Variants in DOCK3 observed in about 807,000 individuals in gnomAD.
DOCK3 encodes the protein dedicator of cytokinesis 3.
DOCK3 carries 60 observed loss-of-function variants against 265.6 expected under a neutral mutation model. The ratio of observed to expected loss-of-function variants is 0.23; its 90% CI spans 0.18 to 0.28. The LOEUF (loss-of-function observed/expected upper bound fraction) is 0.28, where lower values mean the gene tolerates loss of function less well. Ranked by LOEUF, DOCK3 falls within the 10% of genes least tolerant of loss-of-function variation. The pLI is 1.00. For synonymous variants in DOCK3, 881 were observed against 938.0 expected (o/e 0.94, Z 1.11); for missense variants, 1,981 against 2,594.3 (o/e 0.76, Z 5.14).
chr3:50,922,663 C>A (rs1256388150), intron 4 of DOCK3, among the ~76,000 whole-genome samples: 2 of 152,094 alleles, frequency 1.3e-5, no homozygotes, highest in African/African-American at 2.4e-5. Context: ...TTTTGGCCAT[C>A]TTGGAACCTC....
chr3:51,266,463 A>G lies in DOCK3; in HGVS notation c.2356-4352A>G, dbSNP rs138156227. Among the ~76,000 whole-genome samples, 395 of 152,354 alleles carry G rather than the reference A, an allele frequency of 2.6e-3. 3 individuals are homozygous for G. Among genetic ancestry groups the G allele is most frequent in the African/African-American group, 9.2e-3 (382 of 41,586 alleles). On this transcript the variant is annotated intron_variant, in intron 23 of 52. Coordinates refer to ENST00000266037, the MANE Select transcript of DOCK3 (RefSeq NM_004947.5). ...GCTACAGTAACCAAAACAGTATGGT[A>G]CTGGTACCAAAACAGATATATAGAC...
In DOCK3 at chr3:50,922,514, A is replaced by G. The variant is rs192784045; in HGVS notation, c.219-11467A>G. ...CCCCTTGCGCTTCCCACGTGGGGCA[A>G]TGCCCCGCCCTGCTTCGTGGGCTGC... On this transcript the variant is annotated intron_variant, in intron 4 of 52. Coordinates refer to ENST00000266037, the MANE Select transcript of DOCK3 (RefSeq NM_004947.5). Among the ~76,000 whole-genome samples the G allele has an allele frequency of 1.8e-3, 279 of 152,298 alleles. 1 individual carries two copies. Among genetic ancestry groups the G allele is most frequent in the Non-Finnish European group, 3.2e-3 (218 of 68,010 alleles).
chr3:50,999,126 A>G (rs1575716324), intron 5 of DOCK3, among the ~76,000 whole-genome samples: 1 of 152,258 alleles, frequency 6.6e-6, no homozygotes, highest in Non-Finnish European at 1.5e-5. Context: ...TTTTACTGCT[A>G]TAAAACCGTA....
chr3:51,273,875 C>T (rs960557249), intron 24 of DOCK3, among the ~76,000 whole-genome samples: 10 of 152,190 alleles, frequency 6.6e-5, no homozygotes, highest in African/African-American at 1.9e-4. Flanking sequence ...TCACTGACCA[C>T]GTAGGAATAC....
At chr3:51,292,588 A>G (rs142459475) in intron 27 of DOCK3, among the ~76,000 whole-genome samples, 398 of 152,324 alleles carry the variant, frequency 2.6e-3, no homozygotes, top group Middle Eastern at 6.8e-3. Flanking sequence ...CCTGGGCAAC[A>G]TAGTGAGACC....
chr3:50,888,031 A>T (rs2048430067), intron 3 of DOCK3, among the ~76,000 whole-genome samples: 1 of 152,170 alleles, frequency 6.6e-6, no homozygotes, highest in South Asian at 2.1e-4. Context: ...AGGAGAAAGA[A>T]ATAAAGGATA....
intron 14 of DOCK3, among the ~76,000 whole-genome samples, chr3:51,220,562 C>G (rs1435569774): frequency 2.0e-5 from 3 of 150,624 alleles, no homozygotes; most frequent in African/African-American, 7.3e-5. Context: ...GAGGCTGAGG[C>G]TGGAGAATCG....
chr3:51,052,946 G>A (rs1287801133), intron 5 of DOCK3, among the ~76,000 whole-genome samples: 1 of 151,474 alleles, frequency 6.6e-6, no homozygotes, highest in Non-Finnish European at 1.5e-5. Flanking sequence ...TTTATTTAAA[G>A]TAATAAATAG....
intron 9 of DOCK3, among the ~76,000 whole-genome samples, chr3:51,113,481 C>G (rs1193538022): frequency 6.6e-6 from 1 of 152,140 alleles, no homozygotes; most frequent in Non-Finnish European, 1.5e-5. Context: ...TGTACCATCA[C>G]TAAAACTCTG....
intron 12 of DOCK3, among the ~76,000 whole-genome samples, chr3:51,201,252 C>G (rs1457238709): frequency 3.3e-5 from 5 of 150,420 alleles, no homozygotes; most frequent in African/African-American, 1.2e-4. Context: ...GAGTCAAGAC[C>G]CATCAGTGTG....
chr3:50,772,880 C>T (rs1170954682), intron 1 of DOCK3, among the ~76,000 whole-genome samples: 1 of 151,760 alleles, frequency 6.6e-6, no homozygotes, highest in Admixed American at 6.6e-5. Context: ...TATACAGATT[C>T]AGTGCAATCC....
At chr3:50,830,225 A>G (rs897859125) in intron 2 of DOCK3, among the ~76,000 whole-genome samples, 2 of 152,220 alleles carry the variant, frequency 1.3e-5, no homozygotes, top group Non-Finnish European at 2.9e-5. Context: ...AGTATTTTTA[A>G]AAGGGTGTAG....
intron 2 of DOCK3, among the ~76,000 whole-genome samples, chr3:50,816,837 C>T (rs562021186): frequency 5.3e-5 from 8 of 149,722 alleles, no homozygotes; most frequent in African/African-American, 2.0e-4. Flanking sequence ...GGATCTCACC[C>T]GTCACCCAGG....
intron 5 of DOCK3, among the ~76,000 whole-genome samples, chr3:51,013,042 A>G (rs1000280691): frequency 3.9e-5 from 6 of 152,118 alleles, no homozygotes; most frequent in Non-Finnish European, 7.4e-5. Flanking sequence ...CTAGTTAGCC[A>G]TTCATCTAAT....
At chr3:50,741,881 A>C (rs1219698463) in intron 1 of DOCK3, among the ~76,000 whole-genome samples, 1 of 152,214 alleles carries the variant, frequency 6.6e-6, no homozygotes, top group Non-Finnish European at 1.5e-5. Context: ...ACTAGTTTAC[A>C]GTCCCACCAA....
At chr3:50,849,979 GC>G (rs2046284144) in intron 3 of DOCK3, among the ~76,000 whole-genome samples, 1 of 151,860 alleles carries the variant, frequency 6.6e-6, no homozygotes, top group Non-Finnish European at 1.5e-5. Context: ...TACCGATAAA[GC>G]TTTCAATTGT....
intron 12 of DOCK3, among the ~76,000 whole-genome samples, chr3:51,170,471 TTGTA>T (rs534352778): frequency 4.8e-4 from 73 of 152,278 alleles, no homozygotes; most frequent in African/African-American, 1.7e-3. Context: ...TCTTGGTAAG[TTGTA>T]TGTTTCTAGG....
chr3:51,086,897 C>T (rs1330799222), intron 7 of DOCK3, among the ~76,000 whole-genome samples: 2 of 152,144 alleles, frequency 1.3e-5, no homozygotes, highest in East Asian at 3.9e-4. Context: ...AATTCCTGGA[C>T]ACACACAATC....
At chr3:51,101,416 G>A (rs962794647) in intron 9 of DOCK3, among the ~76,000 whole-genome samples, 3 of 152,220 alleles carry the variant, frequency 2.0e-5, no homozygotes, top group East Asian at 1.9e-4. Context: ...CACCGCGCCC[G>A]GCCTCGGCTT....
Sources: gnomAD v4.1 joint callset for allele counts (sites outside exome capture counted in the v4.1 genomes callset) on GRCh38, gnomAD v4.1.1 for gene constraint, MANE v1.5 for transcripts, NCBI Gene and HGNC (gene_info 2026-07-23, HGNC 2026-07-21) for gene names.